RBFOX2: variants seen among roughly 807,000 people sequenced by gnomAD.
RBFOX2 encodes RNA binding fox-1 homolog 2.
In RBFOX2, 10 loss-of-function variants were observed where a neutral mutation model predicts 49.1. The observed-to-expected ratio is 0.20, with a 90% CI of 0.13 to 0.35. RBFOX2 has a LOEUF of 0.35. Ranked by LOEUF, RBFOX2 falls within the 10% of genes least tolerant of loss-of-function variation. The pLI is 1.00. For synonymous variants in RBFOX2, 183 were observed against 187.4 expected, an observed-to-expected ratio of 0.98 and a Z score of 0.19; for missense variants, 323 against 486.9, an observed-to-expected ratio of 0.66 and a Z score of 3.17.
intron 4 of RBFOX2, chr22:35,777,581 A>T (rs1944251240): frequency 6.3e-6 from 1 of 159,788 alleles, no homozygotes; most frequent in Non-Finnish European, 1.4e-5. Flanking sequence ...AAGTTAACTG[A>T]ATAATCAAAA....
At chr22:35,959,491 C>T (rs1488507697) in intron 1 of RBFOX2, among the ~76,000 whole-genome samples, 1 of 152,152 alleles carries the variant, frequency 6.6e-6, no homozygotes, top group African/African-American at 2.4e-5. Flanking sequence ...CGGTTATCAC[C>T]CAATTATTCC....
intron 2 of RBFOX2, among the ~76,000 whole-genome samples, chr22:35,794,073 A>T (rs1205240589): frequency 1.3e-5 from 2 of 152,204 alleles, no homozygotes; most frequent in Admixed American, 1.3e-4. Context: ...TCAATTTTTT[A>T]AAACTTTATA....
At chr22:35,790,617 A>T (rs1005810923) in intron 2 of RBFOX2, among the ~76,000 whole-genome samples, 7 of 152,252 alleles carry the variant, frequency 4.6e-5, no homozygotes, top group African/African-American at 1.7e-4. Context: ...AGTTTCAAAC[A>T]TTCTACTATA....
chr22:35,745,771 G>C, intron 11 of RBFOX2, 152 bp downstream of exon 13: 1 of 736,712 alleles, frequency 1.4e-6, no homozygotes, highest in East Asian at 2.5e-5. Context: ...AATAAAGAGG[G>C]TGACATGAAA....
At chr22:35,751,058 T>G (rs1318826950) in intron 9 of RBFOX2, among the ~76,000 whole-genome samples, 1 of 151,752 alleles carries the variant, frequency 6.6e-6, no homozygotes, top group Non-Finnish European at 1.5e-5. Flanking sequence ...GACCACATGA[T>G]CTTTCGGCAC....
intron 1 of RBFOX2, among the ~76,000 whole-genome samples, chr22:35,928,918 A>G (rs1339522596): frequency 2.6e-5 from 4 of 152,114 alleles, no homozygotes; most frequent in African/African-American, 9.7e-5. Context: ...ACAAAAAGTT[A>G]GATAAAACCA....
intron 1 of RBFOX2, among the ~76,000 whole-genome samples, chr22:35,865,386 A>G (rs1225519461): frequency 2.0e-5 from 3 of 152,128 alleles, no homozygotes; most frequent in African/African-American, 7.2e-5. Flanking sequence ...TATAGCACCA[A>G]TTCCTCAGTT....
intron 2 of RBFOX2, among the ~76,000 whole-genome samples, chr22:35,798,573 C>A (rs1404093133): frequency 2.0e-5 from 3 of 152,098 alleles, no homozygotes; most frequent in African/African-American, 7.2e-5. Flanking sequence ...TTTCACATGG[C>A]GGCTATGGTA....
At chr22:35,891,143 G>C (rs1204989024) in intron 1 of RBFOX2, among the ~76,000 whole-genome samples, 1 of 152,106 alleles carries the variant, frequency 6.6e-6, no homozygotes, top group African/African-American at 2.4e-5. Flanking sequence ...TTATAAATTT[G>C]TTAAGGGCAC....
chr22:35,839,855 T>C (rs1368166421), intron 1 of RBFOX2, among the ~76,000 whole-genome samples: 1 of 152,170 alleles, frequency 6.6e-6, no homozygotes, highest in Non-Finnish European at 1.5e-5. Flanking sequence ...TACAAGAATC[T>C]CTTCCTACCT....
At chr22:35,797,429 T>C (rs1321567972) in intron 2 of RBFOX2, among the ~76,000 whole-genome samples, 1 of 152,256 alleles carries the variant, frequency 6.6e-6, no homozygotes, top group African/African-American at 2.4e-5. Context: ...ACAAGTGCTT[T>C]ATGAATACTT....
At chr22:35,919,585 G>T (rs1180176428) in intron 1 of RBFOX2, among the ~76,000 whole-genome samples, 1 of 152,082 alleles carries the variant, frequency 6.6e-6, no homozygotes, top group Non-Finnish European at 1.5e-5. Flanking sequence ...GTTTCTTGTG[G>T]AATACTAAAA....
At chr22:35,981,672 T>G (rs1183846594) in intron 1 of RBFOX2, among the ~76,000 whole-genome samples, 1 of 152,010 alleles carries the variant, frequency 6.6e-6, no homozygotes, top group Non-Finnish European at 1.5e-5. Context: ...AATTAAAAAT[T>G]TAAAAATATA....
intron 1 of RBFOX2, among the ~76,000 whole-genome samples, chr22:36,022,329 T>TA (rs2059275411): frequency 6.6e-6 from 1 of 152,188 alleles, no homozygotes; most frequent in Non-Finnish European, 1.5e-5. Context: ...AAATGAAAGT[T>TA]AAATTTCTAG....
chr22:35,942,847 T>C (rs2053846536), upstream of RBFOX2, among the ~76,000 whole-genome samples: 1 of 152,210 alleles, frequency 6.6e-6, no homozygotes, highest in Non-Finnish European at 1.5e-5. Flanking sequence ...GGACATGTTT[T>C]ACCCAAATTT....
Position 35,917,247 on chromosome 22 carries a change from A to C in RBFOX2, c.-34+21600T>G, listed in dbSNP as rs564904660. ...AAGGGGAGGAAGAGAAAGTACTGAA[A>C]GGGGTCTCAGTATGGAACTACTACC... On this transcript the variant is annotated intron_variant, in intron 1 of 13. Coordinates refer to the RBFOX2 transcript ENST00000359369. 3.1e-4 allele frequency among the ~76,000 whole-genome samples: 47 copies of C among 152,308 alleles called. 1 individual carries two copies. In the South Asian group the frequency reaches 9.1e-3, roughly 30 times the overall value.
chr22:36,020,726 C>T (rs1469101742), intron 1 of RBFOX2, among the ~76,000 whole-genome samples: 3 of 152,088 alleles, frequency 2.0e-5, no homozygotes, highest in Admixed American at 2.0e-4. Flanking sequence ...GAATGGCGAT[C>T]ATTAAAAAGT....
At chr22:35,780,582 CA>C (rs1311346407) in intron 3 of RBFOX2, among the ~76,000 whole-genome samples, 1 of 152,072 alleles carries the variant, frequency 6.6e-6, no homozygotes, top group Non-Finnish European at 1.5e-5. Flanking sequence ...GGTAGCAAAC[CA>C]ATCCTCTACA....
chr22:36,028,519 C>CGCGCCT (rs891097094), exon 1 of RBFOX2: 127 of 1,004,518 alleles, frequency 1.3e-4, no homozygotes, highest in Non-Finnish European at 1.4e-4. Flanking sequence ...CAGGCGGGCG[C>CGCGCCT]GCGCCTGCCC....
Sources: allele counts gnomAD v4.1 joint callset (sites outside exome capture counted in the v4.1 genomes callset), GRCh38; gene constraint gnomAD v4.1.1; transcripts MANE v1.5; gene names NCBI Gene and HGNC (gene_info 2026-07-23, HGNC 2026-07-21).